Variants in CSMD1 observed in about 807,000 individuals in gnomAD.
The protein encoded by CSMD1 is CUB and sushi domain-containing protein 1.
A neutral mutation model predicts 417.5 loss-of-function variants in CSMD1; 213 were observed. The ratio of observed to expected loss-of-function variants is 0.51; its 90% CI spans 0.46 to 0.57. The LOEUF is 0.57. CSMD1 is among the 20% of genes least tolerant of loss of function. The pLI, the probability that CSMD1 is intolerant of heterozygous loss-of-function variation, is 0.00. For synonymous variants in CSMD1, 2,862 were observed against 1,736.8 expected, an observed-to-expected ratio of 1.65 and a Z score of -16.11; for missense variants, 6,923 against 4,529.7, an observed-to-expected ratio of 1.53 and a Z score of -15.17.
chr8:4,642,438 T>G (rs1803253654), intron 1 of CSMD1, among the ~76,000 whole-genome samples: 1 of 152,200 alleles, frequency 6.6e-6, no homozygotes, highest in Non-Finnish European at 1.5e-5. Context: ...TAATTCGTGC[T>G]GCTGTATAGC....
At chr8:3,934,722 G>A (rs541734581) in intron 5 of CSMD1, among the ~76,000 whole-genome samples, 1 of 151,936 alleles carries the variant, frequency 6.6e-6, no homozygotes, top group Non-Finnish European at 1.5e-5. Context: ...GGGCATGGTG[G>A]TGCACTCCCA....
intron 7 of CSMD1, among the ~76,000 whole-genome samples, chr8:3,664,631 G>C (rs1160547138): frequency 6.6e-6 from 1 of 152,182 alleles, no homozygotes; most frequent in Non-Finnish European, 1.5e-5. Context: ...CCATTTCAAA[G>C]GCTCCGCCAA....
At chr8:4,655,936 A>G (rs2130907633) in intron 1 of CSMD1, among the ~76,000 whole-genome samples, 1 of 152,254 alleles carries the variant, frequency 6.6e-6, no homozygotes, top group Admixed American at 6.5e-5. Context: ...CTCAGAGAAG[A>G]CACAGATCTG....
intron 7 of CSMD1, among the ~76,000 whole-genome samples, chr8:3,677,068 C>G (rs900559115): frequency 6.6e-6 from 1 of 152,044 alleles, no homozygotes; most frequent in African/African-American, 2.4e-5. Flanking sequence ...GGCTTAAAAA[C>G]TAGACATTGG....
chr8:4,550,457 G>A (rs142814658), intron 2 of CSMD1, among the ~76,000 whole-genome samples: 1 of 151,824 alleles, frequency 6.6e-6, no homozygotes, highest in Non-Finnish European at 1.5e-5. Flanking sequence ...TAAAGGTATT[G>A]CATTTTTAGG....
chr8:3,324,447 G>C (rs1040503621), intron 23 of CSMD1, among the ~76,000 whole-genome samples: 2 of 145,606 alleles, frequency 1.4e-5, no homozygotes, highest in African/African-American at 2.6e-5. Context: ...AGAGACCCAG[G>C]AGTGGGAGTT....
chr8:3,076,553 C>T (rs1004097321), intron 49 of CSMD1, among the ~76,000 whole-genome samples: 7 of 152,210 alleles, frequency 4.6e-5, no homozygotes, highest in Non-Finnish European at 7.3e-5. Context: ...GACTCTGTGG[C>T]TCTGCTATGC....
intron 1 of CSMD1, among the ~76,000 whole-genome samples, chr8:4,743,497 C>T (rs1263261430): frequency 6.6e-6 from 1 of 151,888 alleles, no homozygotes; most frequent in Non-Finnish European, 1.5e-5. Context: ...GCGTCAAGTA[C>T]CATGAACCTC....
chr8:4,419,344 A>G (rs1797122044), intron 3 of CSMD1, among the ~76,000 whole-genome samples: 2 of 152,204 alleles, frequency 1.3e-5, no homozygotes, highest in Admixed American at 1.3e-4. Context: ...ACTTGAAATG[A>G]TAATTTCCTT....
chr8:3,832,131 A>G (rs771284950), intron 5 of CSMD1, among the ~76,000 whole-genome samples: 1 of 152,146 alleles, frequency 6.6e-6, no homozygotes, highest in Non-Finnish European at 1.5e-5. Context: ...GTAATTCTTT[A>G]GGGCTATTTA....
chr8:3,753,925 C>G lies in CSMD1; in HGVS notation c.931+5G>C, dbSNP rs775623360. ...TTTTTTTCTTATAAGATGGAGCATC[C>G]TTACCTTGGAACTGAGCGTTAAATC... On this transcript the variant is annotated splice_donor_5th_base_variant and intron_variant, in intron 6 of 69. Coordinates refer to ENST00000635120, the MANE Select transcript of CSMD1 (RefSeq NM_033225.6). 1 of 1,593,398 alleles carries G rather than the reference C, an allele frequency of 6.3e-7. No homozygotes were observed. The highest frequency in any genetic ancestry group is 1.7e-5 in the Admixed American group (1 of 59,830).
rs184822627 is a variant in CSMD1, at chr8:4,879,256, C to T, written c.85+115076G>A. Among the ~76,000 whole-genome samples, 297 of 151,594 alleles carry T rather than the reference C, an allele frequency of 2.0e-3. 8 individuals are homozygous for T. Among genetic ancestry groups the T allele is most frequent in the Non-Finnish European group, 1.3e-4 (9 of 67,834 alleles). ...AGGACATCAACTCGAGGAAAGGTTG[C>T]GGAAATGGAATAGGGGAGATAGTTT... On this transcript the variant is annotated intron_variant, in intron 1 of 69. Coordinates refer to ENST00000635120, the MANE Select transcript of CSMD1 (RefSeq NM_033225.6).
At chr8:3,280,985 T>C (rs10091021) in intron 26 of CSMD1, among the ~76,000 whole-genome samples, 121,153 of 151,844 alleles carry the variant, frequency 0.8, 48,513 homozygotes, top group Admixed American at 0.87. Context: ...AGGAGTAAAA[T>C]GAAGTACATT....
In CSMD1 at chr8:4,933,119, A is replaced by C. The variant is rs531212678; in HGVS notation, c.85+61213T>G. Among the ~76,000 whole-genome samples the C allele has an allele frequency of 3.9e-5, 6 of 152,232 alleles. No individual in the cohort carries two copies. The East Asian group carries it at 9.7e-4, about 25-fold the overall frequency. ...TTAATCACCTTACATACTTGTATGG[A>C]TATGTTCTCTATCTGGTATATGTTT... On this transcript the variant is annotated intron_variant, in intron 1 of 69. Transcript: ENST00000635120.
intron 5 of CSMD1, among the ~76,000 whole-genome samples, chr8:3,836,171 T>A (rs764179137): frequency 6.6e-6 from 1 of 152,186 alleles, no homozygotes; most frequent in African/African-American, 2.4e-5. Flanking sequence ...TTGTCTCAGT[T>A]TATTATAGAT....
chr8:4,482,447 A>G (rs1801151545), intron 2 of CSMD1, among the ~76,000 whole-genome samples: 2 of 152,184 alleles, frequency 1.3e-5, no homozygotes, highest in African/African-American at 2.4e-5. Context: ...ATGGCTGCAT[A>G]GTACTCCATG....
At chr8:4,769,975 G>T (rs1796520301) in intron 1 of CSMD1, among the ~76,000 whole-genome samples, 1 of 151,936 alleles carries the variant, frequency 6.6e-6, no homozygotes, top group Admixed American at 6.6e-5. Context: ...GCAAAAGCTG[G>T]ACAGAAACTC....
intron 3 of CSMD1, among the ~76,000 whole-genome samples, chr8:4,230,858 T>C (rs1000692533): frequency 6.6e-6 from 1 of 152,184 alleles, no homozygotes; most frequent in Non-Finnish European, 1.5e-5. Flanking sequence ...CAATCGATTA[T>C]AGATTCTTTA....
At chr8:4,294,683 C>G (rs879468365) in intron 3 of CSMD1, among the ~76,000 whole-genome samples, 1 of 152,048 alleles carries the variant, frequency 6.6e-6, no homozygotes, top group Admixed American at 6.6e-5. Flanking sequence ...TAAAAATATT[C>G]TAAGATGACC....
Sources: gnomAD v4.1 joint callset for allele counts (sites outside exome capture counted in the v4.1 genomes callset) on GRCh38, gnomAD v4.1.1 for gene constraint, MANE v1.5 for transcripts, NCBI Gene and HGNC (gene_info 2026-07-23, HGNC 2026-07-21) for gene names.